ABI2: variants seen among roughly 807,000 people sequenced by gnomAD.
ABI2 encodes abl interactor 2, also known as abelson interactor 2.
Under a neutral mutation model 59.2 loss-of-function variants are expected in ABI2, and 25 were observed. That is an observed-to-expected ratio of 0.42 (90% confidence interval 0.31 to 0.59). ABI2 has a LOEUF of 0.59. Ranked by LOEUF, ABI2 falls within the 20% of genes least tolerant of loss-of-function variation. The probability of loss-of-function intolerance (pLI) is 0.14; values close to 1 mark genes in which losing one functional copy is unlikely to be tolerated. For missense variants in ABI2, 545 were observed against 681.8 expected (o/e 0.80, Z 2.23); for synonymous variants, 213 against 235.5 (o/e 0.90, Z 0.87).
intron 1 of ABI2, chr2:203,351,510 G>A (rs1188641043): frequency 7.6e-6 from 3 of 394,028 alleles, no homozygotes; most frequent in East Asian, 1.6e-4. Context: ...TTTCAATGAT[G>A]TTTTGTAGTT....
chr2:203,367,322 C>CG (rs1559235428), intron 2 of ABI2: 3 of 158,982 alleles, frequency 1.9e-5, no homozygotes, highest in African/African-American at 3.3e-5. Flanking sequence ...CATTCCCCCG[C>CG]CTTTTTTTTT....
intron 1 of ABI2, among the ~76,000 whole-genome samples, chr2:203,349,647 C>T (rs530576635): frequency 2.6e-5 from 4 of 151,502 alleles, no homozygotes; most frequent in East Asian, 3.9e-4. Flanking sequence ...TCAGGTGATC[C>T]GCCTGCCTTG....
At chr2:203,373,456 AGAGAGG>A in intron 2 of ABI2, among the ~76,000 whole-genome samples, 1 of 152,112 alleles carries the variant, frequency 6.6e-6, no homozygotes, top group East Asian at 1.9e-4. Context: ...GACCGTGGAA[AGAGAGG>A]GAGAGGGAGA....
intron 8 of ABI2, among the ~76,000 whole-genome samples, chr2:203,401,499 T>C (rs1268138723): frequency 6.6e-6 from 1 of 152,144 alleles, no homozygotes; most frequent in African/African-American, 2.4e-5. Flanking sequence ...GTGGATTATA[T>C]TATTAGGAAA....
chr2:203,386,150 G>A (rs2096496969), intron 4 of ABI2, among the ~76,000 whole-genome samples: 1 of 152,108 alleles, frequency 6.6e-6, no homozygotes, highest in Admixed American at 6.5e-5. Context: ...TACTAGATGG[G>A]ACTATAATGG....
In ABI2 at chr2:203,328,597, G is replaced by A. The variant is rs758681743; in HGVS notation, c.83G>A (p.Arg28Gln). The A allele has an allele frequency of 1.9e-6, 3 of 1,603,514 alleles. No homozygotes were observed. The highest frequency in any genetic ancestry group is 1.7e-5 in the Admixed American group (1 of 59,244). Residue 28 changes from arginine to glutamine, a missense_variant, in exon 1 of 12, where the codon CGG (arginine) becomes CAG (glutamine). Arg to Gln is a conservative substitution (Grantham distance 43). Transcript: ENST00000261018. ...ALFDSYTNLE[R>Q]VADYCENNYI... ...TTCGACAGCTACACAAATCTGGAAC[G>A]GGTGGCCGATTACTGCGAGAACAAC... is the stretch of plus-strand genomic sequence containing the variant.
intron 1 of ABI2, among the ~76,000 whole-genome samples, chr2:203,342,776 A>G (rs527375660): frequency 6.6e-6 from 1 of 151,942 alleles, no homozygotes; most frequent in South Asian, 2.1e-4. Flanking sequence ...TTTTATTCTG[A>G]ATCTAGAAGA....
intron 11 of ABI2, among the ~76,000 whole-genome samples, chr2:203,425,353 C>A (rs1157176693): frequency 6.6e-6 from 1 of 152,108 alleles, no homozygotes; most frequent in African/African-American, 2.4e-5. Flanking sequence ...CAGGCGCCCA[C>A]CACCACGCTT....
intron 1 of ABI2, among the ~76,000 whole-genome samples, chr2:203,365,428 G>T (rs959575912): frequency 6.6e-6 from 1 of 151,930 alleles, no homozygotes; most frequent in African/African-American, 2.4e-5. Flanking sequence ...GAATATTCTT[G>T]TCTGTACCTT....
At chr2:203,381,365 C>T (rs2096113633) in intron 3 of ABI2, among the ~76,000 whole-genome samples, 1 of 152,214 alleles carries the variant, frequency 6.6e-6, no homozygotes, top group African/African-American at 2.4e-5. Flanking sequence ...CAACCTTGTA[C>T]TCCTGGGCTC....
intron 1 of ABI2, among the ~76,000 whole-genome samples, chr2:203,350,470 C>G (rs2087136585): frequency 6.6e-6 from 1 of 152,018 alleles, no homozygotes; most frequent in Non-Finnish European, 1.5e-5. Flanking sequence ...CAGCCTTAGT[C>G]TCCCTAGTAG....
chr2:203,350,545 T>C (rs941190485), intron 1 of ABI2, among the ~76,000 whole-genome samples: 18 of 151,482 alleles, frequency 1.2e-4, no homozygotes, highest in South Asian at 4.2e-4. Context: ...CTTTTCTTTT[T>C]TTTTTTTTTT....
rs1374958550 is a variant in ABI2, at chr2:203,430,867, T to C, written c.*3515T>C. 2 of 152,248 alleles carry C rather than the reference T, an allele frequency of 1.3e-5. No homozygotes were observed. The highest frequency in any genetic ancestry group is 4.8e-5 in the African/African-American group (2 of 41,472). The allele number at this position is 152,248 out of a possible 1,614,324, so 9.4% of individuals were successfully genotyped here. A position where few individuals can be genotyped will look rare whatever the true frequency, so the allele number is the denominator to read the frequency against. ...TGTTGAAGATAACTAAAGATTTTTC[T>C]CTTTGGGAGGCATCAAAATGATGGT... is the stretch of plus-strand genomic sequence containing the variant. On this transcript the variant is annotated 3_prime_UTR_variant, in exon 12 of 12. Transcript: ENST00000261018.
intron 9 of ABI2, among the ~76,000 whole-genome samples, chr2:203,405,755 G>A (rs1306506325): frequency 6.6e-6 from 1 of 152,036 alleles, no homozygotes; most frequent in Non-Finnish European, 1.5e-5. Flanking sequence ...GCATGCTTCT[G>A]AGGAAGTGAG....
chr2:203,411,199 T>C (rs188810576), intron 9 of ABI2, 86 bp from the exon 10 acceptor site: 2 of 1,035,894 alleles, frequency 1.9e-6, no homozygotes, highest in African/African-American at 1.6e-5. Context: ...TTCCCTCCTT[T>C]ATGTGTTTAT....
At position 203,396,812 on chromosome 2, in the gene ABI2, C is replaced by G. The variant is rs1449656673; in HGVS notation, c.878C>G (p.Pro293Arg). Reference protein sequence around the residue: ...PAPAGSAGTPPLPATSASAPA... With the variant: ...PAPAGSAGTPRLPATSASAPA... ...CCTGCTGGCTCTGCTGGCACTCCTC[C>G]CCTTCCTGCTACTTCTGCATCTGCC... The change falls in exon 8 of 12, where the codon CCC becomes CGC. Residue 293 changes from proline (P) to arginine (R), a missense_variant. Physicochemically the swap from Pro to Arg is moderately radical, Grantham distance 103. This residue lies in a region of ABI2 where 410 missense variants were observed against 435.6 expected (regional missense o/e 0.94). Transcript: ENST00000261018. 2 of 1,533,610 alleles carry G rather than the reference C, an allele frequency of 1.3e-6. No homozygotes were observed. The highest frequency in any genetic ancestry group is 2.0e-5 in the Admixed American group (1 of 50,390).
chr2:203,359,122 A>C (rs1019739212), intron 1 of ABI2, among the ~76,000 whole-genome samples: 45 of 152,330 alleles, frequency 3.0e-4, no homozygotes, highest in Middle Eastern at 3.4e-3. Flanking sequence ...GAATTTCCTT[A>C]GTGTAGGTCA....
chr2:203,422,165 G>A (rs961504863), intron 11 of ABI2, among the ~76,000 whole-genome samples: 1 of 152,112 alleles, frequency 6.6e-6, no homozygotes, highest in African/African-American at 2.4e-5. Flanking sequence ...AGACATGGTG[G>A]TGCATGCCTG....
chr2:203,355,459 C>G (rs1183184250), intron 1 of ABI2: 2 of 164,116 alleles, frequency 1.2e-5, no homozygotes, highest in Admixed American at 5.9e-5. Flanking sequence ...CTGCAGTGAG[C>G]TGTCATTGCA....
Sources: allele counts gnomAD v4.1 joint callset (sites outside exome capture counted in the v4.1 genomes callset), GRCh38; gene constraint gnomAD v4.1.1; regional missense constraint gnomAD v4.1.1; transcripts MANE v1.5; gene names NCBI Gene and HGNC (gene_info 2026-07-23, HGNC 2026-07-21).